CDADC1: variants seen among roughly 807,000 people sequenced by gnomAD.
CDADC1 encodes cytidine and dCMP deaminase domain containing 1, also known as dCTP deaminase.
Under a neutral mutation model 54.9 loss-of-function variants are expected in CDADC1, and 39 were observed. That is an observed-to-expected ratio of 0.71 (90% CI 0.55 to 0.93). The LOEUF (loss-of-function observed/expected upper bound fraction) is 0.93. Ranked by LOEUF, CDADC1 falls within the 40% of genes least tolerant of loss-of-function variation. The pLI is 0.00. For synonymous variants in CDADC1, 186 were observed against 204.0 expected, an observed-to-expected ratio of 0.91 and a Z score of 0.75; for missense variants, 518 against 618.8, an observed-to-expected ratio of 0.84 and a Z score of 1.73.
intron 2 of CDADC1, among the ~76,000 whole-genome samples, chr13:49,249,331 T>A (rs1011847084): frequency 4.6e-5 from 7 of 152,262 alleles, no homozygotes; most frequent in African/African-American, 1.7e-4. Flanking sequence ...AGACCATGTC[T>A]TATTTTACCT....
chr13:49,260,682 C>T (rs1159927205), intron 4 of CDADC1, among the ~76,000 whole-genome samples: 1 of 152,180 alleles, frequency 6.6e-6, no homozygotes, highest in Non-Finnish European at 1.5e-5. Context: ...GCCGATCATT[C>T]TTTCATTTAA....
chr13:49,255,416 G>A (rs780503206), intron 2 of CDADC1, among the ~76,000 whole-genome samples: 3 of 152,142 alleles, frequency 2.0e-5, no homozygotes, highest in Non-Finnish European at 2.9e-5. Flanking sequence ...AATCTCTGGC[G>A]GGGCATTATC....
intron 9 of CDADC1, among the ~76,000 whole-genome samples, chr13:49,288,193 C>G (rs996664854): frequency 3.9e-5 from 6 of 152,144 alleles, no homozygotes; most frequent in African/African-American, 1.4e-4. Flanking sequence ...TATTTATTGA[C>G]CCAGATGATG....
intron 9 of CDADC1, among the ~76,000 whole-genome samples, chr13:49,289,120 C>CTTTTTTTTTTTTT (rs66814830): frequency 6.6e-5 from 4 of 60,990 alleles, no homozygotes; most frequent in African/African-American, 1.9e-4. Context: ...TTTTTTTTTG[C>CTTTTTTTTTTTTT]TTTTTTTTTT....
Position 49,274,329 on chromosome 13 carries a change from G to T in CDADC1, c.1039G>T (p.Glu347Ter). ...KTGVGAVIWAEGKSRSCDGTG... is the reference protein window; with the variant it reads ...KTGVGAVIWA ...AGGAGTTGGGGCAGTCATTTGGGCA[G>T]AAGGGAAATCTGTAAGTATGAAAAC... The change falls in exon 6 of 10, where the codon GAA becomes TAA. Residue 347 changes from glutamate to a stop codon, truncating the protein, a stop_gained. Coordinates refer to ENST00000251108, the MANE Select transcript of CDADC1 (RefSeq NM_030911.4). LOFTEE classifies it high-confidence loss of function. The T allele has an allele frequency of 6.2e-7, 1 of 1,611,054 alleles. No homozygotes were observed. Among genetic ancestry groups the T allele is most frequent in the South Asian group, 1.1e-5 (1 of 90,910 alleles).
chr13:49,252,874 A>G (rs1204422466), intron 2 of CDADC1, among the ~76,000 whole-genome samples: 1 of 152,206 alleles, frequency 6.6e-6, no homozygotes, highest in Non-Finnish European at 1.5e-5. Context: ...TGCATGTAGT[A>G]TATGCTGCCA....
intron 4 of CDADC1, among the ~76,000 whole-genome samples, chr13:49,265,005 G>A (rs1024059922): frequency 6.6e-6 from 1 of 152,108 alleles, no homozygotes; most frequent in Non-Finnish European, 1.5e-5. Context: ...TGATTCTAGA[G>A]CCTGTGCTAT....
At chr13:49,251,400 GA>G (rs60518037) in intron 2 of CDADC1, among the ~76,000 whole-genome samples, 1,434 of 128,720 alleles carry the variant, frequency 0.011, 26 homozygotes, top group African/African-American at 0.038. Context: ...GAAAAAAAAA[GA>G]AAAAAAAAAG....
At chr13:49,272,083 G>A (rs1309938146) in intron 5 of CDADC1, among the ~76,000 whole-genome samples, 1 of 152,040 alleles carries the variant, frequency 6.6e-6, no homozygotes, top group East Asian at 1.9e-4. Context: ...TCCTAACAAG[G>A]TTTAGTCTGT....
In CDADC1 at chr13:49,292,408, T is replaced by C; in HGVS notation, c.*651T>C. The C allele has an allele frequency of 5.0e-6, 5 of 995,774 alleles. No individual in the cohort carries two copies. Among genetic ancestry groups the C allele is most frequent in the Non-Finnish European group, 6.0e-6 (5 of 835,994 alleles). The allele number at this position is 995,774 out of a possible 1,614,324, so 61.7% of individuals were successfully genotyped here. On this transcript the variant is annotated 3_prime_UTR_variant, in exon 10 of 10. Transcript: ENST00000251108. ...GAGTGTTATTCTGAGACAGTGTCGC[T>C]GCTTGATATCACTGACTCTTGAAAT...
intron 8 of CDADC1, among the ~76,000 whole-genome samples, chr13:49,282,100 G>A (rs371877750): frequency 1.6e-4 from 24 of 152,138 alleles, no homozygotes; most frequent in East Asian, 5.8e-4. Context: ...TTATAGGCAT[G>A]AGCCACCACG....
intron 7 of CDADC1, among the ~76,000 whole-genome samples, chr13:49,278,829 G>C (rs950758440): frequency 2.6e-5 from 4 of 152,058 alleles, no homozygotes; most frequent in Non-Finnish European, 5.9e-5. Flanking sequence ...GGATGTTAAG[G>C]CTCCTTTGTT....
At chr13:49,278,326 C>A in intron 6 of CDADC1, 24 bp from the exon 7 acceptor site, 3 of 1,475,264 alleles carry the variant, frequency 2.0e-6, no homozygotes, top group Non-Finnish European at 2.7e-6. Context: ...TTGAAACTAA[C>A]CATTGGTTTG....
chr13:49,292,886 C>A lies in CDADC1; in HGVS notation c.*1129C>A. ...CTGCCTTTCCGCCACATCACACGGC[C>A]TCACTGGGCTTCCTACCAGTTTCTC... On this transcript the variant is annotated 3_prime_UTR_variant, in exon 10 of 10. Transcript: ENST00000251108. 1 of 790,504 alleles carries A rather than the reference C, an allele frequency of 1.3e-6. No homozygotes were observed. The highest frequency in any genetic ancestry group is 3.4e-5 in the Admixed American group (1 of 29,308). The allele number at this position is 790,504 out of a possible 1,614,324, so 49.0% of individuals were successfully genotyped here. A position where few individuals can be genotyped will look rare whatever the true frequency, so the allele number is the denominator to read the frequency against.
At position 49,260,494 on chromosome 13, in the gene CDADC1, A is replaced by G. The variant is rs191754605; in HGVS notation, c.430+971A>G. On this transcript the variant is annotated intron_variant, in intron 4 of 9. Transcript: ENST00000251108. ...AAACCCTGACCTGGAAGTCACATACATCATTTCTGTTCTCATCCATTGTGG... is the reference window on the plus strand; with the variant it reads ...AAACCCTGACCTGGAAGTCACATACGTCATTTCTGTTCTCATCCATTGTGG... Among the ~76,000 whole-genome samples, 437 of 152,308 alleles carry G rather than the reference A, an allele frequency of 2.9e-3. 2 individuals are homozygous for G. The highest frequency in any genetic ancestry group is 0.01 in the African/African-American group (421 of 41,562).
At chr13:49,254,825 A>G (rs756862940) in intron 2 of CDADC1, among the ~76,000 whole-genome samples, 9 of 152,098 alleles carry the variant, frequency 5.9e-5, no homozygotes, top group Non-Finnish European at 1.3e-4. Flanking sequence ...TTGAGCAACT[A>G]GGCTGTCATG....
chr13:49,276,828 T>C (rs1466297478), intron 6 of CDADC1, among the ~76,000 whole-genome samples: 2 of 152,208 alleles, frequency 1.3e-5, no homozygotes, highest in Non-Finnish European at 2.9e-5. Context: ...TTGTTTACAG[T>C]TGTATTCCAG....
At chr13:49,268,120 T>A (rs1952869679) in intron 5 of CDADC1, 61 bp downstream of exon 5, 8 of 1,280,716 alleles carry the variant, frequency 6.2e-6, no homozygotes, top group Non-Finnish European at 7.7e-6. Context: ...CTCTGAAGTG[T>A]TCGTCTCATT....
At chr13:49,250,275 CTT>C (rs1411641765) in intron 2 of CDADC1, among the ~76,000 whole-genome samples, 3 of 152,220 alleles carry the variant, frequency 2.0e-5, no homozygotes, top group Non-Finnish European at 4.4e-5. Context: ...ACCACCTACT[CTT>C]TTCATTTTAC....
Sources: allele counts gnomAD v4.1 joint callset (sites outside exome capture counted in the v4.1 genomes callset), GRCh38; gene constraint gnomAD v4.1.1; transcripts MANE v1.5; gene names NCBI Gene and HGNC (gene_info 2026-07-23, HGNC 2026-07-21).